NR6A1: variants seen among roughly 807,000 people sequenced by gnomAD.
NR6A1 encodes nuclear receptor subfamily 6 group A member 1, also known as retinoic acid receptor-related testis-associated receptor.
Under a neutral mutation model 59.1 loss-of-function variants are expected in NR6A1, and 7 were observed. The ratio of observed to expected loss-of-function variants is 0.12; its 90% CI spans 0.07 to 0.22. The LOEUF (loss-of-function observed/expected upper bound fraction) is 0.22. NR6A1 is among the 10% of genes least tolerant of loss of function. The pLI is 1.00. For synonymous variants in NR6A1, 243 were observed against 236.1 expected, an observed-to-expected ratio of 1.03 and a Z score of -0.27; for missense variants, 468 against 611.6, an observed-to-expected ratio of 0.77 and a Z score of 2.48.
chr9:124,749,134 T>C (rs562366569), intron 1 of NR6A1, among the ~76,000 whole-genome samples: 13 of 151,318 alleles, frequency 8.6e-5, no homozygotes, highest in Non-Finnish European at 1.9e-4. Flanking sequence ...TAGTGGCGCA[T>C]GTCTGTAATC....
chr9:124,757,966 A>G (rs1435351926), intron 1 of NR6A1, among the ~76,000 whole-genome samples: 1 of 152,232 alleles, frequency 6.6e-6, no homozygotes, highest in Non-Finnish European at 1.5e-5. Flanking sequence ...TTATTTTGAA[A>G]TATTTTGAAA....
At chr9:124,661,736 G>A (rs1248948223) in intron 2 of NR6A1, among the ~76,000 whole-genome samples, 1 of 152,128 alleles carries the variant, frequency 6.6e-6, no homozygotes, top group Non-Finnish European at 1.5e-5. Context: ...ATCCCAAAGT[G>A]CGTTGTCCAA....
intron 2 of NR6A1, among the ~76,000 whole-genome samples, chr9:124,639,435 T>C (rs916273130): frequency 6.6e-6 from 1 of 152,210 alleles, no homozygotes; most frequent in Non-Finnish European, 1.5e-5. Context: ...AGCATCCCGA[T>C]TTTACAAATG....
At chr9:124,621,532 C>T (rs962133538) in intron 2 of NR6A1, among the ~76,000 whole-genome samples, 2 of 150,606 alleles carry the variant, frequency 1.3e-5, no homozygotes, top group African/African-American at 4.9e-5. Flanking sequence ...TGCAAGCCTG[C>T]AGTCCCAGTA....
chr9:124,653,606 C>CCA (rs1213822409), intron 2 of NR6A1, among the ~76,000 whole-genome samples: 1 of 152,178 alleles, frequency 6.6e-6, no homozygotes, highest in Non-Finnish European at 1.5e-5. Context: ...GGGGGTCTTA[C>CCA]TATGTTGCTA....
At position 124,518,326 on chromosome 9, in the gene NR6A1, C is replaced by T. The variant is rs914165376; in HGVS notation, c.*4379G>A. On this transcript the variant is annotated 3_prime_UTR_variant, in exon 10 of 10. Transcript: ENST00000487099. ...TAGAAGCCTTCAAGTCTCATGGTGG[C>T]CCAGGTCTGGCCAAAGCAGAAGCCC... 6.6e-6 allele frequency: 1 copy of T among 151,418 alleles called. No homozygotes were observed. Among genetic ancestry groups the T allele is most frequent in the Non-Finnish European group, 1.5e-5 (1 of 67,918 alleles). The allele number at this position is 151,418 out of a possible 1,614,324, so 9.4% of individuals were successfully genotyped here. A position where few individuals can be genotyped will look rare whatever the true frequency, so the allele number is the denominator to read the frequency against.
chr9:124,584,076 C>T (rs1489904702), intron 2 of NR6A1, among the ~76,000 whole-genome samples: 1 of 149,966 alleles, frequency 6.7e-6, no homozygotes, highest in Non-Finnish European at 1.5e-5. Context: ...CATGAGCATA[C>T]ATCATTTTAT....
intron 2 of NR6A1, among the ~76,000 whole-genome samples, chr9:124,709,685 G>T (rs1489353018): frequency 6.6e-6 from 1 of 152,112 alleles, no homozygotes; most frequent in Non-Finnish European, 1.5e-5. Context: ...TGTAATCTCA[G>T]CACTTTGGGA....
At chr9:124,681,569 T>C (rs971680357) in intron 2 of NR6A1, among the ~76,000 whole-genome samples, 2 of 152,106 alleles carry the variant, frequency 1.3e-5, no homozygotes, top group Non-Finnish European at 2.9e-5. Flanking sequence ...CTTGAACTAC[T>C]GACCTCGTGA....
At chr9:124,608,657 C>A (rs1455608880) in intron 2 of NR6A1, among the ~76,000 whole-genome samples, 2 of 151,972 alleles carry the variant, frequency 1.3e-5, no homozygotes, top group African/African-American at 4.8e-5. Flanking sequence ...GGGTATATAC[C>A]CAGTAATGGA....
At chr9:124,553,541 TA>T (rs1833837858) in intron 3 of NR6A1, among the ~76,000 whole-genome samples, 1 of 150,222 alleles carries the variant, frequency 6.7e-6, no homozygotes, top group Admixed American at 6.7e-5. Context: ...CCCTGCTTTT[TA>T]GCTTGACTTT....
chr9:124,553,393 T>A (rs1229602898), intron 3 of NR6A1, among the ~76,000 whole-genome samples: 2 of 152,164 alleles, frequency 1.3e-5, no homozygotes, highest in Non-Finnish European at 2.9e-5. Context: ...TTCATCTCAG[T>A]TCCAATCCTA....
intron 1 of NR6A1, among the ~76,000 whole-genome samples, chr9:124,751,839 A>C (rs866601150): frequency 6.6e-6 from 1 of 152,256 alleles, no homozygotes; most frequent in African/African-American, 2.4e-5. Context: ...TGTTTCCATG[A>C]AGAATTTTAA....
chr9:124,729,576 C>T (rs1588835104), intron 2 of NR6A1, among the ~76,000 whole-genome samples: 2 of 151,860 alleles, frequency 1.3e-5, no homozygotes, highest in South Asian at 2.1e-4. Flanking sequence ...AGAGTAAGAC[C>T]CTGTCTCAAA....
chr9:124,726,121 T>A (rs574091591), intron 2 of NR6A1, among the ~76,000 whole-genome samples: 1 of 152,210 alleles, frequency 6.6e-6, no homozygotes, highest in African/African-American at 2.4e-5. Context: ...AGGCCAAGTA[T>A]AGCTCAGTAA....
chr9:124,747,697 C>A (rs1308361229), intron 1 of NR6A1, among the ~76,000 whole-genome samples: 1 of 152,144 alleles, frequency 6.6e-6, no homozygotes, highest in Non-Finnish European at 1.5e-5. Flanking sequence ...CAACTCTCAT[C>A]CCCCAAGCCA....
At chr9:124,768,019 C>T (rs955777691) in intron 1 of NR6A1, among the ~76,000 whole-genome samples, 1 of 152,144 alleles carries the variant, frequency 6.6e-6, no homozygotes, top group Admixed American at 6.5e-5. Context: ...AACCTACAAG[C>T]AACAACTGAA....
chr9:124,530,568 A>G (rs899498571), intron 7 of NR6A1, among the ~76,000 whole-genome samples: 1 of 152,234 alleles, frequency 6.6e-6, no homozygotes, highest in Admixed American at 6.5e-5. Flanking sequence ...CATTCCTGCC[A>G]GGATCCCCCA....
At chr9:124,644,550 C>T (rs550935086) in intron 2 of NR6A1, among the ~76,000 whole-genome samples, 1 of 152,088 alleles carries the variant, frequency 6.6e-6, no homozygotes, top group Non-Finnish European at 1.5e-5. Context: ...CTGTGCCCAG[C>T]CAATTAAGTC....
Sources: gnomAD v4.1 joint callset for allele counts (sites outside exome capture counted in the v4.1 genomes callset) on GRCh38, gnomAD v4.1.1 for gene constraint, MANE v1.5 for transcripts, NCBI Gene and HGNC (gene_info 2026-07-23, HGNC 2026-07-21) for gene names.